ZNF552: variants seen among roughly 807,000 people sequenced by gnomAD.
ZNF552 encodes the protein zinc finger protein 552.
ZNF552 carries 2 observed loss-of-function variants against 7.2 expected under a neutral mutation model. That is an observed-to-expected ratio of 0.28 (90% CI 0.11 to 0.88). ZNF552 has a LOEUF of 0.88. Among genes scored for constraint, ZNF552 ranks in the 40% least tolerant of loss-of-function variants. The pLI is 0.60. For missense variants in ZNF552, 421 were observed against 493.4 expected, an observed-to-expected ratio of 0.85 and a Z score of 1.39; for synonymous variants, 173 against 176.5, an observed-to-expected ratio of 0.98 and a Z score of 0.16.
intron 2 of ZNF552, chr19:57,809,337 G>A (rs749235824): frequency 2.3e-6 from 2 of 871,650 alleles, no homozygotes; most frequent in African/African-American, 1.7e-5. Flanking sequence ...ACAGGGAGTA[G>A]AGGCAGGGTC....
intron 2 of ZNF552, among the ~76,000 whole-genome samples, chr19:57,812,756 A>G (rs567015239): frequency 2.0e-5 from 3 of 152,222 alleles, no homozygotes; most frequent in African/African-American, 7.2e-5. Flanking sequence ...TTCAGTAGAG[A>G]TGGGGTTTCA....
rs1186328911 is a variant in ZNF552, at chr19:57,807,974, C to A, written c.*66G>T. The A allele has an allele frequency of 6.0e-6, 9 of 1,502,180 alleles. No individual in the cohort carries two copies. In the Admixed American group the frequency reaches 1.9e-4, roughly 32 times the overall value. 93.1% of individuals were successfully genotyped at this position (1,502,180 alleles called of 1,614,324 possible). ...TTTGGGTAAACATTTTCCACATTTG[C>A]TGCAATCACAGGATCTTACTCAGGT... On this transcript the variant is annotated 3_prime_UTR_variant, in exon 3 of 3. Coordinates refer to ENST00000391701, the MANE Select transcript of ZNF552 (RefSeq NM_024762.3).
At position 57,809,001 on chromosome 19, in the gene ZNF552, T is replaced by C; in HGVS notation, c.263A>G (p.Lys88Arg). 1 of 1,573,472 alleles carries C rather than the reference T, an allele frequency of 6.4e-7. No homozygotes were observed. The highest frequency in any genetic ancestry group is 1.2e-5 in the South Asian group (1 of 85,976). ...VRTPMAGVSP[K>R]KAHPCEMCGP... ...ACACATCTCACAGGGGTGGGCCTTCTTGGGAGACACACCTGCCATAGGAGT... is the reference window on the plus strand; with the variant it reads ...ACACATCTCACAGGGGTGGGCCTTCCTGGGAGACACACCTGCCATAGGAGT... The change falls in exon 3 of 3, where the codon AAG becomes AGG. Residue 88 changes from lysine (K) to arginine (R), a missense_variant. Around this residue, in one of 2 missense-constraint regions of ZNF552, gnomAD observed 122 missense variants for 199.7 expected, o/e 0.61. Coordinates refer to ENST00000391701, the MANE Select transcript of ZNF552 (RefSeq NM_024762.3).
chr19:57,811,241 C>T (rs1336506201), intron 2 of ZNF552, among the ~76,000 whole-genome samples: 3 of 151,944 alleles, frequency 2.0e-5, no homozygotes, highest in Admixed American at 6.6e-5. Flanking sequence ...GGCACAATCG[C>T]GGCTCACTGC....
chr19:57,811,127 G>A lies in ZNF552; in HGVS notation c.161-2024C>T, dbSNP rs376902179. On this transcript the variant is annotated intron_variant, in intron 2 of 2. Transcript: ENST00000391701. ...GGCAGGGGGAAGGCAGGGTTCCTCC[G>A]TATGCTGAGCGCCAGTCCCCTGGGC... 1.2e-3 allele frequency among the ~76,000 whole-genome samples: 183 copies of A among 151,804 alleles called. 4 individuals are homozygous for A. The East Asian group carries it at 0.03, about 24-fold the overall frequency.
Position 57,809,078 on chromosome 19 carries a change from C to T in ZNF552, c.186G>A (p.Glu62=), listed in dbSNP as rs750560824. 2.0e-5 allele frequency: 30 copies of T among 1,536,434 alleles called. 1 individual carries two copies. The South Asian group carries it at 3.3e-4, about 17-fold the overall frequency. The change falls in exon 3 of 3, where the codon GAG becomes GAA. Residue 62 remains glutamate (E), a synonymous_variant. Coordinates refer to ENST00000391701, the MANE Select transcript of ZNF552 (RefSeq NM_024762.3). The part of the protein sequence containing the change: ...SLGCWCGVED[E]AAPSKQSIYI... ...AAATACTCTGCTTAGAAGGTGCCGCCTCATCTTCCACTCCACACCAACAAC... is the reference window on the plus strand; with the variant it reads ...AAATACTCTGCTTAGAAGGTGCCGCTTCATCTTCCACTCCACACCAACAAC...
Position 57,808,549 on chromosome 19 carries a change from G to A in ZNF552, c.715C>T (p.Pro239Ser), listed in dbSNP as rs1251849583. 3.7e-6 allele frequency: 6 copies of A among 1,614,106 alleles called. No homozygotes were observed. The highest frequency in any genetic ancestry group is 4.2e-6 in the Non-Finnish European group (5 of 1,179,998). ...QHERLLPTEE[P>S]SVWCECGKSS... ...TTCCCACATTCACACCACACAGAAG[G>A]TTCTTCTGTAGGGAGCAGTCTCTCG... is the stretch of plus-strand genomic sequence containing the variant. Residue 239 changes from proline to serine, a missense_variant, in exon 3 of 3, where the codon CCT (proline) becomes TCT (serine). Transcript: ENST00000391701.
chr19:57,808,643 C>A lies in ZNF552; in HGVS notation c.621G>T (p.Gly207=). 1.2e-6 allele frequency: 2 copies of A among 1,614,158 alleles called. No individual in the cohort carries two copies. Among genetic ancestry groups the A allele is most frequent in the Non-Finnish European group, 1.7e-6 (2 of 1,180,038 alleles). The change falls in exon 3 of 3, where the codon GGG becomes GGT. Residue 207 remains glycine, a synonymous_variant. Transcript: ENST00000391701. ...CTCCACAGCTGTAATGGCTTTTTCC[C>A]CCATGAAACAGAGACACACACTCAG... is the stretch of plus-strand genomic sequence containing the variant. ...SKTECVSLFH[G]GKSHYSCGGC...
At chr19:57,813,722 A>C (rs1987901003) in intron 1 of ZNF552, among the ~76,000 whole-genome samples, 1 of 145,388 alleles carries the variant, frequency 6.9e-6, no homozygotes, top group African/African-American at 2.5e-5. Context: ...CCCTCTCTGA[A>C]CGCACCTCAT....
At chr19:57,813,136 G>T in intron 2 of ZNF552, 158 bp downstream of exon 2, 2 of 1,261,704 alleles carry the variant, frequency 1.6e-6, no homozygotes, top group Non-Finnish European at 2.1e-6. Flanking sequence ...GCTGCTCCAA[G>T]AATGGAGAGG....
intron 1 of ZNF552, 145 bp downstream of exon 1, chr19:57,814,566 T>G: frequency 6.4e-7 from 1 of 1,553,246 alleles, no homozygotes; most frequent in Non-Finnish European, 8.7e-7. Context: ...CACGGGTGTC[T>G]GAAACAGGGA....
intron 1 of ZNF552, 50 bp from the exon 2 acceptor site, chr19:57,813,470 A>G: frequency 6.3e-7 from 1 of 1,583,878 alleles, no homozygotes; most frequent in Non-Finnish European, 8.6e-7. Context: ...ATGCTGAGGT[A>G]TCACAATCCA....
chr19:57,807,966 C>T lies in ZNF552; in HGVS notation c.*74G>A, dbSNP rs990526171. ...AGCAGACCTTTGGGTAAACATTTTC[C>T]ACATTTGCTGCAATCACAGGATCTT... On this transcript the variant is annotated 3_prime_UTR_variant, in exon 3 of 3. Transcript: ENST00000391701. 3 of 1,492,136 alleles carry T rather than the reference C, an allele frequency of 2.0e-6. No homozygotes were observed. In the African/African-American group the frequency reaches 4.2e-5, roughly 21 times the overall value. The allele number at this position is 1,492,136 out of a possible 1,614,324, so 92.4% of individuals were successfully genotyped here. A position where few individuals can be genotyped will look rare whatever the true frequency, so the allele number is the denominator to read the frequency against.
chr19:57,808,352 AAAT>A lies in ZNF552; in HGVS notation c.909_911del (p.Lys303_Phe304delinsAsn). On this transcript the variant is annotated inframe_deletion, in exon 3 of 3. Coordinates refer to ENST00000391701, the MANE Select transcript of ZNF552 (RefSeq NM_024762.3). ...CAATGAGGTGGTACTTGTGCCTAAAAAATTTCTGACAAACCTCACACTCATATG... is the reference window on the plus strand; with the variant it reads ...CAATGAGGTGGTACTTGTGCCTAAAATTCTGACAAACCTCACACTCATATG... The A allele has an allele frequency of 6.2e-7, 1 of 1,613,212 alleles. No individual in the cohort carries two copies. The highest frequency in any genetic ancestry group is 8.5e-7 in the Non-Finnish European group (1 of 1,179,260).
chr19:57,810,338 AGAAAG>A (rs1293428858), intron 2 of ZNF552, among the ~76,000 whole-genome samples: 2 of 152,046 alleles, frequency 1.3e-5, no homozygotes, highest in Admixed American at 6.6e-5. Context: ...TTTGGGGAAA[AGAAAG>A]AGAGATCAGA....
chr19:57,813,260 G>A, intron 2 of ZNF552, 34 bp downstream of exon 2: 1 of 1,613,156 alleles, frequency 6.2e-7, no homozygotes, highest in Non-Finnish European at 8.5e-7. Flanking sequence ...ACAGAGACTA[G>A]CTCAGGTCAC....
chr19:57,808,333 G>C lies in ZNF552; in HGVS notation c.931C>G (p.Leu311Val). ...CQKFFRHKYH[L>V]IAHQRVHTGE... is the part of the protein sequence containing the mutation. ...GTGTGAACTCTCTGGTGTGCAATGAGGTGGTACTTGTGCCTAAAAAATTTC... is the reference window on the plus strand; with the variant it reads ...GTGTGAACTCTCTGGTGTGCAATGACGTGGTACTTGTGCCTAAAAAATTTC... Residue 311 changes from leucine (L) to valine (V), a missense_variant, in exon 3 of 3, where the codon CTC becomes GTC. Coordinates refer to ENST00000391701, the MANE Select transcript of ZNF552 (RefSeq NM_024762.3). 1 of 1,613,696 alleles carries C rather than the reference G, an allele frequency of 6.2e-7. No individual in the cohort carries two copies.
intron 1 of ZNF552, among the ~76,000 whole-genome samples, chr19:57,814,101 C>T (rs914626976): frequency 6.6e-6 from 1 of 152,118 alleles, no homozygotes; most frequent in African/African-American, 2.4e-5. Context: ...AGGGAAGAGG[C>T]TGACTTTACA....
Position 57,808,587 on chromosome 19 carries a change from A to C in ZNF552, c.677T>G (p.Ile226Arg). The change falls in exon 3 of 3, where the codon ATA becomes AGA. Residue 226 changes from isoleucine (I) to arginine (R), a missense_variant. By Grantham distance (97) the Ile-to-Arg change is moderately conservative (BLOSUM62 -3). Transcript: ENST00000391701. ...GCMKHFSTKD[I>R]LSQHERLLPT... ...GAGCAGTCTCTCGTGCTGACTGAGT[A>C]TATCTTTGGTGCTAAAATGTTTCAT... 1 of 1,614,146 alleles carries C rather than the reference A, an allele frequency of 6.2e-7. No individual in the cohort carries two copies. Among genetic ancestry groups the C allele is most frequent in the Non-Finnish European group, 8.5e-7 (1 of 1,180,022 alleles).
Sources: allele counts gnomAD v4.1 joint callset (sites outside exome capture counted in the v4.1 genomes callset), GRCh38; gene constraint gnomAD v4.1.1; regional missense constraint gnomAD v4.1.1; transcripts MANE v1.5; gene names NCBI Gene and HGNC (gene_info 2026-07-23, HGNC 2026-07-21).